The following ADARB2 variants were observed in gnomAD, a reference collection of about 807,000 sequenced individuals.
ADARB2 encodes the protein adenosine deaminase RNA specific B2 (inactive), also known as inactive double-stranded RNA-specific editase B2.
A neutral mutation model predicts 62.2 loss-of-function variants in ADARB2; 25 were observed. The ratio of observed to expected loss-of-function variants is 0.40; its 90% CI spans 0.29 to 0.56. ADARB2 has a LOEUF of 0.56. Among genes scored for constraint, ADARB2 ranks in the 20% least tolerant of loss-of-function variants. The pLI, the probability that ADARB2 is intolerant of heterozygous loss-of-function variation, is 0.43. For missense variants in ADARB2, 1,071 were observed against 1,077.4 expected (o/e 0.99, Z 0.08); for synonymous variants, 572 against 500.8 (o/e 1.14, Z -1.90).
chr10:1,284,460 G>A (rs1831395551), intron 3 of ADARB2, among the ~76,000 whole-genome samples: 1 of 152,194 alleles, frequency 6.6e-6, no homozygotes, highest in African/African-American at 2.4e-5. Context: ...CTGCACTATA[G>A]CTGTTACTAC....
At chr10:1,728,656 C>T (rs1243720932) in intron 1 of ADARB2, among the ~76,000 whole-genome samples, 1 of 152,206 alleles carries the variant, frequency 6.6e-6, no homozygotes, top group Admixed American at 6.5e-5. Context: ...CAGGTGATTA[C>T]ATAAAATTAT....
In ADARB2 at chr10:1,398,581, C is replaced by T. The variant is rs762325895; in HGVS notation, c.101-19421G>A. Among the ~76,000 whole-genome samples, 5 of 152,160 alleles carry T rather than the reference C, an allele frequency of 3.3e-5. No individual in the cohort carries two copies. Among genetic ancestry groups the T allele is most frequent in the African/African-American group, 7.2e-5 (3 of 41,452 alleles). ...AAACTGTCAGAACCCAGTTCTGGTG[C>T]GGAGGTAAGACAACTCAAAAACGTG... On this transcript the variant is annotated intron_variant, in intron 1 of 9. Transcript: ENST00000381312. The surrounding 1 kb of genome is among the most constrained non-coding windows in gnomAD (Gnocchi z 4.1).
intron 1 of ADARB2, among the ~76,000 whole-genome samples, chr10:1,467,839 T>C (rs535807185): frequency 7.9e-4 from 121 of 152,342 alleles, no homozygotes; most frequent in African/African-American, 2.9e-3. Context: ...CAGGGGAGAC[T>C]GGCTCTGACA....
intron 1 of ADARB2, among the ~76,000 whole-genome samples, chr10:1,689,345 T>C (rs961395182): frequency 5.3e-5 from 8 of 152,224 alleles, no homozygotes; most frequent in Admixed American, 2.6e-4. Context: ...CCCTGGACCA[T>C]GAAGAGAGGC....
chr10:1,234,382 A>G (rs1384002807), intron 5 of ADARB2, among the ~76,000 whole-genome samples: 8 of 152,192 alleles, frequency 5.3e-5, no homozygotes, highest in African/African-American at 1.9e-4. Flanking sequence ...GAATGCGAAC[A>G]TGACTGGCAG....
chr10:1,506,758 A>G (rs544143941), intron 1 of ADARB2, among the ~76,000 whole-genome samples: 1 of 152,282 alleles, frequency 6.6e-6, no homozygotes, highest in Non-Finnish European at 1.5e-5. Flanking sequence ...CCAAATTCCT[A>G]TGTTGGTACC....
intron 1 of ADARB2, among the ~76,000 whole-genome samples, chr10:1,561,392 T>G (rs1044030092): frequency 6.6e-6 from 1 of 152,238 alleles, no homozygotes; most frequent in Admixed American, 6.5e-5. Flanking sequence ...ACTGCCTAGT[T>G]TTTTGGAATT....
chr10:1,499,777 T>C (rs763701804), intron 1 of ADARB2, among the ~76,000 whole-genome samples: 5 of 152,042 alleles, frequency 3.3e-5, no homozygotes, highest in Non-Finnish European at 5.9e-5. Context: ...ACTCACTCAT[T>C]ACTCACTCAT....
At chr10:1,716,697 A>G (rs1835020270) in intron 1 of ADARB2, among the ~76,000 whole-genome samples, 1 of 152,010 alleles carries the variant, frequency 6.6e-6, no homozygotes, top group Non-Finnish European at 1.5e-5. Context: ...AAATAAATAT[A>G]TATTACATGA....
intron 1 of ADARB2, among the ~76,000 whole-genome samples, chr10:1,464,268 C>A (rs1427300934): frequency 8.2e-6 from 1 of 122,616 alleles, no homozygotes; most frequent in Non-Finnish European, 1.8e-5. Context: ...GGTGGACACA[C>A]ACTCCCCCAC....
chr10:1,329,104 C>T lies in ADARB2; in HGVS notation c.1077+33924G>A, dbSNP rs528165447. Among the ~76,000 whole-genome samples the T allele has an allele frequency of 4.6e-5, 7 of 151,020 alleles. No individual in the cohort carries two copies. In the East Asian group the frequency reaches 1.4e-3, roughly 30 times the overall value. On this transcript the variant is annotated intron_variant, in intron 3 of 9. Coordinates refer to ENST00000381312, the MANE Select transcript of ADARB2 (RefSeq NM_018702.4). ...CTGCTCTGATTAAATATGAAGTTCA[C>T]ACCCCAGTGTGGGCAGCCTGTGGCA...
intron 1 of ADARB2, among the ~76,000 whole-genome samples, chr10:1,380,677 C>T (rs1832475325): frequency 6.6e-6 from 1 of 152,172 alleles, no homozygotes; most frequent in Admixed American, 6.5e-5. Flanking sequence ...GGACGGGCAA[C>T]AGAGAGAACA....
intron 1 of ADARB2, among the ~76,000 whole-genome samples, chr10:1,588,757 G>A (rs1267452448): frequency 6.6e-6 from 1 of 152,212 alleles, no homozygotes; most frequent in African/African-American, 2.4e-5. Context: ...CAATTCTGGA[G>A]GCAATGGGGT....
chr10:1,702,523 C>G (rs1454739563), intron 1 of ADARB2, among the ~76,000 whole-genome samples: 2 of 152,224 alleles, frequency 1.3e-5, no homozygotes, highest in African/African-American at 2.4e-5. Flanking sequence ...ATGTCCATCA[C>G]TCTCTTCCCT....
At chr10:1,395,627 C>T (rs1181965854) in intron 1 of ADARB2, among the ~76,000 whole-genome samples, 2 of 152,232 alleles carry the variant, frequency 1.3e-5, no homozygotes, top group African/African-American at 4.8e-5. Context: ...CTGTGAGACT[C>T]TTCTGAGTGC....
Position 1,242,234 on chromosome 10 carries a change from G to A in ADARB2, c.1258C>T (p.His420Tyr). The A allele has an allele frequency of 5.0e-6, 8 of 1,598,424 alleles. No homozygotes were observed. The highest frequency in any genetic ancestry group is 6.8e-6 in the Non-Finnish European group (8 of 1,173,962). Reference sequence around the variant, plus strand: ...ACCACCAGCCCCTGGTCACTGAGGTGCTCGCCGCTGATGCACTTGGTCCCC... The same window carrying A: ...ACCACCAGCCCCTGGTCACTGAGGTACTCGCCGCTGATGCACTTGGTCCCC... Reference protein sequence around the residue: ...SSGTKCISGEHLSDQGLVVND... With the variant: ...SSGTKCISGEYLSDQGLVVND... Residue 420 changes from histidine to tyrosine, a missense_variant, in exon 5 of 10, where the codon CAC becomes TAC. Transcript: ENST00000381312.
chr10:1,466,400 G>A (rs541711098), intron 1 of ADARB2, among the ~76,000 whole-genome samples: 1 of 152,280 alleles, frequency 6.6e-6, no homozygotes, highest in African/African-American at 2.4e-5. Context: ...AAGAGAGATG[G>A]TCTCCCTGAG....
At chr10:1,379,545 T>A (rs1021946388) in intron 1 of ADARB2, among the ~76,000 whole-genome samples, 1 of 152,192 alleles carries the variant, frequency 6.6e-6, no homozygotes, top group East Asian at 1.9e-4. Context: ...AATCTCACAA[T>A]TAAAAGAGAA....
At chr10:1,382,740 C>T (rs1162082579) in intron 1 of ADARB2, among the ~76,000 whole-genome samples, 12 of 144,982 alleles carry the variant, frequency 8.3e-5, no homozygotes, top group Middle Eastern at 3.5e-3. Flanking sequence ...TCTGGACCTT[C>T]GGAGTGTGCC....
Sources: allele counts gnomAD v4.1 joint callset (sites outside exome capture counted in the v4.1 genomes callset), GRCh38; gene constraint gnomAD v4.1.1; non-coding constraint Gnocchi (gnomAD v3.1); transcripts MANE v1.5; gene names NCBI Gene and HGNC (gene_info 2026-07-23, HGNC 2026-07-21).